Variants in PRKN observed in about 807,000 individuals in gnomAD.
PRKN encodes the protein E3 ubiquitin-protein ligase parkin.
PRKN carries 56 observed loss-of-function variants against 59.5 expected under a neutral mutation model. The ratio of observed to expected loss-of-function variants is 0.94; its 90% CI spans 0.76 to 1.18. The LOEUF is 1.18. Ranked by LOEUF, PRKN falls within the 50% of genes most tolerant of loss-of-function variation. The probability of loss-of-function intolerance (pLI) is 0.00; values close to 1 mark genes in which losing one functional copy is unlikely to be tolerated. For synonymous variants in PRKN, 250 were observed against 222.1 expected (o/e 1.13, Z -1.12); for missense variants, 657 against 596.4 (o/e 1.10, Z -1.06).
chr6:162,219,114 C>T (rs867109240), intron 3 of PRKN, among the ~76,000 whole-genome samples: 2 of 152,128 alleles, frequency 1.3e-5, no homozygotes, highest in African/African-American at 4.8e-5. Context: ...TCACTTGAAC[C>T]CAGTAGGTCA....
At chr6:161,706,440 T>C (rs1323246932) in intron 7 of PRKN, among the ~76,000 whole-genome samples, 1 of 152,196 alleles carries the variant, frequency 6.6e-6, no homozygotes, top group Non-Finnish European at 1.5e-5. Context: ...GGACACACTG[T>C]CAAGCTTTGC....
chr6:161,436,462 G>C lies in PRKN; in HGVS notation c.1084-49585C>G, dbSNP rs74772450. The stretch of plus-strand genomic sequence containing the variant: ...TCTCTGCAAACTCAAGACTTTTTTG[G>C]GGGGGGGTGGGCGGAGAGTGCAAAT... On this transcript the variant is annotated intron_variant, in intron 9 of 11. Coordinates refer to ENST00000366898, the MANE Select transcript of PRKN (RefSeq NM_004562.3). 4.8e-5 allele frequency among the ~76,000 whole-genome samples: 5 copies of C among 104,490 alleles called. 1 individual carries two copies. The highest frequency in any genetic ancestry group is 5.1e-4 in the South Asian group (2 of 3,950). The allele number at this position is 104,490 out of a possible 152,430, so 68.5% of individuals were successfully genotyped here. A position where few individuals can be genotyped will look rare whatever the true frequency, so the allele number is the denominator to read the frequency against.
chr6:162,626,980 A>T (rs1583936218), intron 1 of PRKN, among the ~76,000 whole-genome samples: 2 of 152,314 alleles, frequency 1.3e-5, no homozygotes, highest in Non-Finnish European at 2.9e-5. Flanking sequence ...AATAGCAGAT[A>T]ATTACCAATG....
intron 7 of PRKN, among the ~76,000 whole-genome samples, chr6:161,750,431 A>AT (rs1326213083): frequency 2.0e-5 from 3 of 152,108 alleles, no homozygotes; most frequent in South Asian, 2.1e-4. Flanking sequence ...GCATCATGGC[A>AT]TGTTTTTTTC....
rs145706486 is a variant in PRKN, at chr6:161,933,266, G to A, written c.734+40036C>T. Among the ~76,000 whole-genome samples, 820 of 152,158 alleles carry A rather than the reference G, an allele frequency of 5.4e-3. 9 individuals carry two copies. The highest frequency in any genetic ancestry group is 0.019 in the African/African-American group (771 of 41,522). ...TGCACTCCAGCCTGGGTGACAGAGC[G>A]AGACTCCGTTTCAAAACAAAAACAA... On this transcript the variant is annotated intron_variant, in intron 6 of 11. Coordinates refer to ENST00000366898, the MANE Select transcript of PRKN (RefSeq NM_004562.3).
At position 161,950,885 on chromosome 6, in the gene PRKN, A is replaced by T. The variant is rs180970112; in HGVS notation, c.734+22417T>A. Among the ~76,000 whole-genome samples the T allele has an allele frequency of 7.2e-5, 11 of 151,750 alleles. No homozygotes were observed. The East Asian group carries it at 2.1e-3, about 30-fold the overall frequency. The stretch of plus-strand genomic sequence containing the variant: ...GGGCTAGAAGAGGGAGTTTCAGGAG[A>T]AGGAAGGGCAGCAGAGTGAAGACAC... On this transcript the variant is annotated intron_variant, in intron 6 of 11. Transcript: ENST00000366898.
chr6:161,630,839 C>T (rs1582915791), intron 7 of PRKN, among the ~76,000 whole-genome samples: 1 of 152,210 alleles, frequency 6.6e-6, no homozygotes, highest in East Asian at 1.9e-4. Context: ...CACACAGTGA[C>T]AGTCAACCAC....
At chr6:161,987,014 T>C (rs1289261660) in intron 5 of PRKN, among the ~76,000 whole-genome samples, 9 of 152,202 alleles carry the variant, frequency 5.9e-5, no homozygotes, top group Non-Finnish European at 1.2e-4. Context: ...CAAAAGTCCT[T>C]GTTTCTTTAG....
intron 3 of PRKN, among the ~76,000 whole-genome samples, chr6:162,224,706 T>C (rs1315301406): frequency 6.6e-6 from 1 of 152,138 alleles, no homozygotes; most frequent in African/African-American, 2.4e-5. Flanking sequence ...AATTGGATGC[T>C]GCTGCATCCT....
intron 7 of PRKN, among the ~76,000 whole-genome samples, chr6:161,670,917 C>T (rs1288721418): frequency 6.6e-6 from 1 of 152,180 alleles, no homozygotes; most frequent in Non-Finnish European, 1.5e-5. Context: ...TGCACAGACT[C>T]TATTTCCAAA....
intron 2 of PRKN, among the ~76,000 whole-genome samples, chr6:162,302,959 A>AGCATAC (rs1554297619): frequency 2.1e-5 from 1 of 48,214 alleles, no homozygotes; most frequent in Non-Finnish European, 5.1e-5. Flanking sequence ...ATATGCCTTA[A>AGCATAC]ACATACACAC....
At chr6:162,510,863 C>T (rs931582322) in intron 1 of PRKN, among the ~76,000 whole-genome samples, 6 of 151,990 alleles carry the variant, frequency 3.9e-5, no homozygotes, top group African/African-American at 1.2e-4. Flanking sequence ...GCAGAGGTTG[C>T]GGTGAGCCGA....
intron 6 of PRKN, among the ~76,000 whole-genome samples, chr6:161,791,397 C>G (rs1433966732): frequency 6.6e-6 from 1 of 152,182 alleles, no homozygotes; most frequent in Non-Finnish European, 1.5e-5. Context: ...CTAGCATCTA[C>G]AAAAATAGCA....
At chr6:161,798,604 A>G (rs1056952285) in intron 6 of PRKN, among the ~76,000 whole-genome samples, 1 of 152,232 alleles carries the variant, frequency 6.6e-6, no homozygotes, top group Non-Finnish European at 1.5e-5. Context: ...ATTAATGCAT[A>G]TGCTGCAAGC....
At chr6:161,693,819 A>G (rs968678618) in intron 7 of PRKN, among the ~76,000 whole-genome samples, 2 of 152,230 alleles carry the variant, frequency 1.3e-5, no homozygotes, top group African/African-American at 4.8e-5. Flanking sequence ...CAAAGTTTCA[A>G]ATGGATAAAT....
At chr6:162,294,144 A>G (rs1398125476) in intron 2 of PRKN, among the ~76,000 whole-genome samples, 2 of 152,138 alleles carry the variant, frequency 1.3e-5, no homozygotes, top group Non-Finnish European at 2.9e-5. Flanking sequence ...TGCAGAAAAG[A>G]GGTTTCCAGC....
rs1779876702 is a variant in PRKN, at chr6:161,548,602, T to G, written c.1083+252A>C. Among the ~76,000 whole-genome samples the G allele has an allele frequency of 6.6e-6, 1 of 152,202 alleles. No individual in the cohort carries two copies. Among genetic ancestry groups the G allele is most frequent in the African/African-American group, 2.4e-5 (1 of 41,442 alleles). ...AAGTCTGGCCTAGTGGCTCACAGCA[T>G]CTTAAAGTAAATACTTCCATAAGCA... On this transcript the variant is annotated intron_variant, in intron 9 of 11. Transcript: ENST00000366898. The surrounding 1 kb of genome is among the most constrained non-coding windows in gnomAD (Gnocchi z 4.2).
intron 7 of PRKN, among the ~76,000 whole-genome samples, chr6:161,743,231 T>TTG (rs1250082048): frequency 0.029 from 3,763 of 130,616 alleles, 287 homozygotes; most frequent in African/African-American, 0.1. Context: ...TTTTTTTTTT[T>TTG]TTTTTTTTGA....
intron 1 of PRKN, among the ~76,000 whole-genome samples, chr6:162,607,172 A>G (rs1437784494): frequency 1.3e-5 from 2 of 152,220 alleles, no homozygotes; most frequent in African/African-American, 4.8e-5. Flanking sequence ...CTCTGGGTCT[A>G]GACTAGAGAT....
Sources: allele counts gnomAD v4.1 joint callset (sites outside exome capture counted in the v4.1 genomes callset), GRCh38; gene constraint gnomAD v4.1.1; non-coding constraint Gnocchi (gnomAD v3.1); transcripts MANE v1.5; gene names NCBI Gene and HGNC (gene_info 2026-07-23, HGNC 2026-07-21).